Variants in PCBP3 observed in about 807,000 individuals in gnomAD.
PCBP3 encodes the protein poly(rC)-binding protein 3.
PCBP3 carries 25 observed loss-of-function variants against 52.7 expected under a neutral mutation model. That is an observed-to-expected ratio of 0.47 (90% CI 0.35 to 0.66). PCBP3 has a LOEUF of 0.66. Among genes scored for constraint, PCBP3 ranks in the 30% least tolerant of loss-of-function variants. The pLI, the probability that PCBP3 is intolerant of heterozygous loss-of-function variation, is 0.01. For synonymous variants in PCBP3, 162 were observed against 183.0 expected (o/e 0.89, Z 0.93); for missense variants, 391 against 490.3 (o/e 0.80, Z 1.91).
chr21:45,669,534 T>TA (rs2081011841), intron 2 of PCBP3, among the ~76,000 whole-genome samples: 1 of 151,930 alleles, frequency 6.6e-6, no homozygotes, highest in South Asian at 2.1e-4. Flanking sequence ...CCATCTCCAA[T>TA]ACTCTTTTCA....
chr21:45,703,677 CG>C (rs1272987632), intron 2 of PCBP3, among the ~76,000 whole-genome samples: 1 of 152,014 alleles, frequency 6.6e-6, no homozygotes, highest in Non-Finnish European at 1.5e-5. Context: ...CCTGCTGTTT[CG>C]GGGGGCATGA....
intron 4 of PCBP3, among the ~76,000 whole-genome samples, chr21:45,831,780 G>T (rs1332303396): frequency 6.6e-6 from 1 of 152,174 alleles, no homozygotes; most frequent in African/African-American, 2.4e-5. Flanking sequence ...GCGCAAATGT[G>T]GCTCACTGCA....
chr21:45,893,059 G>A (rs766021449), intron 5 of PCBP3, among the ~76,000 whole-genome samples: 7 of 152,156 alleles, frequency 4.6e-5, no homozygotes, highest in Non-Finnish European at 1.0e-4. Context: ...CGAGGACTGA[G>A]TGCAGGAAGG....
intron 2 of PCBP3, among the ~76,000 whole-genome samples, chr21:45,677,912 T>C (rs1168027984): frequency 2.0e-5 from 3 of 152,220 alleles, no homozygotes; most frequent in African/African-American, 4.8e-5. Flanking sequence ...TTATGAACAA[T>C]GCACCCGGTC....
intron 2 of PCBP3, among the ~76,000 whole-genome samples, chr21:45,715,205 G>T (rs545080703): frequency 1.3e-5 from 2 of 152,212 alleles, no homozygotes; most frequent in African/African-American, 4.8e-5. Context: ...TAGATTATAT[G>T]GTTTCCTTCC....
chr21:45,930,263 C>T (rs2076011547), intron 14 of PCBP3, among the ~76,000 whole-genome samples: 2 of 152,176 alleles, frequency 1.3e-5, no homozygotes, highest in Admixed American at 6.5e-5. Flanking sequence ...GTCTGCCCAC[C>T]GAGGGTCTGC....
At chr21:45,925,363 AATT>A (rs2075262398) in intron 13 of PCBP3, among the ~76,000 whole-genome samples, 1 of 152,234 alleles carries the variant, frequency 6.6e-6, no homozygotes, top group South Asian at 2.1e-4. Context: ...TGAGGGGAAA[AATT>A]ATTAATCCAA....
chr21:45,835,830 T>A (rs1483221908), intron 4 of PCBP3, among the ~76,000 whole-genome samples: 1 of 151,902 alleles, frequency 6.6e-6, no homozygotes, highest in African/African-American at 2.4e-5. Context: ...CCGCAGGAGG[T>A]CTGGGCCTTA....
At chr21:45,786,702 A>G (rs971373960) in intron 4 of PCBP3, among the ~76,000 whole-genome samples, 15 of 152,210 alleles carry the variant, frequency 9.9e-5, no homozygotes, top group African/African-American at 3.6e-4. Context: ...AACTCATGGT[A>G]TGTTCCTGTT....
At chr21:45,789,292 G>A (rs1330158405) in intron 4 of PCBP3, among the ~76,000 whole-genome samples, 1 of 152,226 alleles carries the variant, frequency 6.6e-6, no homozygotes, top group Non-Finnish European at 1.5e-5. Flanking sequence ...TGCACGTAGT[G>A]TACCCGCATG....
intron 2 of PCBP3, among the ~76,000 whole-genome samples, chr21:45,706,044 CAAAG>C (rs1274530690): frequency 6.6e-6 from 1 of 152,226 alleles, no homozygotes; most frequent in Non-Finnish European, 1.5e-5. Context: ...ACTCAGTTGT[CAAAG>C]AGTCTTTTCC....
intron 4 of PCBP3, among the ~76,000 whole-genome samples, chr21:45,768,996 C>T (rs1036747228): frequency 6.6e-6 from 1 of 152,244 alleles, no homozygotes; most frequent in Non-Finnish European, 1.5e-5. Context: ...AGGACGGTGT[C>T]TCTGCTTCTC....
intron 9 of PCBP3, among the ~76,000 whole-genome samples, 182 bp from the exon 10 acceptor site, chr21:45,909,173 C>T (rs2096277237): frequency 6.6e-6 from 1 of 152,048 alleles, no homozygotes; most frequent in Admixed American, 6.5e-5. Flanking sequence ...GCCAGCCTGC[C>T]CATCCATTTC....
At chr21:45,832,240 G>A (rs771664858) in intron 4 of PCBP3, among the ~76,000 whole-genome samples, 1 of 152,176 alleles carries the variant, frequency 6.6e-6, no homozygotes, top group Admixed American at 6.5e-5. Context: ...CTGTTATGGT[G>A]CTGGTGAGAG....
rs550909133 is a variant in PCBP3 at position 45,940,711 on chromosome 21, GC to G, written c.1079+514del. Among the ~76,000 whole-genome samples, 510 of 151,632 alleles carry G rather than the reference GC, an allele frequency of 3.4e-3. 2 individuals carry two copies. Among genetic ancestry groups the G allele is most frequent in the African/African-American group, 0.012 (497 of 41,150 alleles). On this transcript the variant is annotated intron_variant, in intron 17 of 17. Coordinates refer to ENST00000681687, the MANE Select transcript of PCBP3 (RefSeq NM_001384156.1). ...GTGACTGCACCCCACTCGGCCTCAAGCCAGTGCCCCACCCCCGCCAAGCACA... is the reference window on the plus strand; with the variant it reads ...GTGACTGCACCCCACTCGGCCTCAAGCAGTGCCCCACCCCCGCCAAGCACA...
Position 45,802,516 on chromosome 21 carries a change from G to A in PCBP3, c.-126+47064G>A, listed in dbSNP as rs1156958760. 6.6e-6 allele frequency among the ~76,000 whole-genome samples: 1 copy of A among 152,192 alleles called. No individual in the cohort carries two copies. The highest frequency in any genetic ancestry group is 2.4e-5 in the African/African-American group (1 of 41,428). ...GTGGCCCAGAGGGCTCTGCAGAGAC[G>A]GCTCTGAGAGCAAAAGTGAGCCATG... On this transcript the variant is annotated intron_variant, in intron 4 of 17. Coordinates refer to ENST00000681687, the MANE Select transcript of PCBP3 (RefSeq NM_001384156.1). This position sits in a 1 kb window ranked among gnomAD's most constrained non-coding sequence, Gnocchi z 5.1.
At chr21:45,719,810 T>G (rs2084495056) in intron 2 of PCBP3, among the ~76,000 whole-genome samples, 1 of 152,176 alleles carries the variant, frequency 6.6e-6, no homozygotes. Flanking sequence ...ATACACATAC[T>G]AAGTCATGAA....
Position 45,883,594 on chromosome 21 carries a change from G to C in PCBP3, c.11-12614G>C, listed in dbSNP as rs146448029. 6.6e-5 allele frequency among the ~76,000 whole-genome samples: 10 copies of C among 152,204 alleles called. No homozygotes were observed. In the East Asian group the frequency reaches 1.9e-3, roughly 29 times the overall value. On this transcript the variant is annotated intron_variant, in intron 5 of 17. Coordinates refer to ENST00000681687, the MANE Select transcript of PCBP3 (RefSeq NM_001384156.1). The stretch of plus-strand genomic sequence containing the variant: ...ATTTGATTCATACACATTTAGGATT[G>C]CTATTGCTTATTTAGACTCTTTTAT...
chr21:45,771,450 C>T (rs1333578384), intron 4 of PCBP3, among the ~76,000 whole-genome samples: 2 of 152,168 alleles, frequency 1.3e-5, no homozygotes, highest in African/African-American at 4.8e-5. Context: ...TGAGCATTTT[C>T]AGAGCATCAT....
Sources: gnomAD v4.1 joint callset for allele counts (sites outside exome capture counted in the v4.1 genomes callset) on GRCh38, gnomAD v4.1.1 for gene constraint, Gnocchi (gnomAD v3.1) non-coding constraint, MANE v1.5 for transcripts, NCBI Gene and HGNC (gene_info 2026-07-23, HGNC 2026-07-21) for gene names.